The following SLC8A1 variants were observed in gnomAD, a reference collection of about 807,000 sequenced individuals.
SLC8A1 encodes the protein sodium/calcium exchanger 1.
Under a neutral mutation model 68.3 loss-of-function variants are expected in SLC8A1, and 18 were observed. That is an observed-to-expected ratio of 0.26 (90% CI 0.18 to 0.39). The LOEUF (loss-of-function observed/expected upper bound fraction) is 0.39. SLC8A1 is among the 10% of genes least tolerant of loss of function. SLC8A1 has a pLI of 1.00. For missense variants in SLC8A1, 985 were observed against 1,156.7 expected, an observed-to-expected ratio of 0.85 and a Z score of 2.15; for synonymous variants, 475 against 415.5, an observed-to-expected ratio of 1.14 and a Z score of -1.74.
At chr2:40,181,802 A>G (rs934893791) in intron 2 of SLC8A1, among the ~76,000 whole-genome samples, 1 of 152,202 alleles carries the variant, frequency 6.6e-6, no homozygotes, top group Non-Finnish European at 1.5e-5. Context: ...AAATAAACCA[A>G]TGTAATTTTT....
chr2:40,391,598 T>A (rs980417160), intron 2 of SLC8A1, among the ~76,000 whole-genome samples: 1 of 152,046 alleles, frequency 6.6e-6, no homozygotes, highest in African/African-American at 2.4e-5. Context: ...ACTTTCATGC[T>A]CTTTCTTTCC....
chr2:40,278,688 C>T (rs1468309039), intron 2 of SLC8A1, among the ~76,000 whole-genome samples: 2 of 152,058 alleles, frequency 1.3e-5, no homozygotes, highest in Non-Finnish European at 2.9e-5. Flanking sequence ...TCTTATGAGG[C>T]ACACTGATGG....
chr2:40,162,968 G>A (rs1247915831), intron 5 of SLC8A1, among the ~76,000 whole-genome samples: 1 of 152,134 alleles, frequency 6.6e-6, no homozygotes, highest in Non-Finnish European at 1.5e-5. Context: ...TCTAGTAAAA[G>A]AGATTTCTTA....
chr2:40,231,673 T>C (rs928687705), intron 2 of SLC8A1, among the ~76,000 whole-genome samples: 4 of 152,136 alleles, frequency 2.6e-5, no homozygotes, highest in African/African-American at 9.7e-5. Flanking sequence ...AATTATATTC[T>C]CTCATCTCTT....
chr2:40,304,127 A>G (rs2072104992), intron 2 of SLC8A1, among the ~76,000 whole-genome samples: 1 of 152,214 alleles, frequency 6.6e-6, no homozygotes, highest in Admixed American at 6.5e-5. Flanking sequence ...AACTTTAATA[A>G]TGTGATAATA....
chr2:40,373,741 A>C (rs1165018635), intron 2 of SLC8A1, among the ~76,000 whole-genome samples: 2 of 152,222 alleles, frequency 1.3e-5, no homozygotes, highest in Admixed American at 6.5e-5. Context: ...AACAGTAGAT[A>C]AACAAAATAT....
At chr2:40,178,304 T>A (rs2048845689) in intron 2 of SLC8A1, 83 bp downstream of exon 3, 6 of 998,906 alleles carry the variant, frequency 6.0e-6, no homozygotes, top group Middle Eastern at 4.8e-4. Context: ...GCATTGTAAG[T>A]CATGTTCTGA....
intron 2 of SLC8A1, among the ~76,000 whole-genome samples, chr2:40,309,633 G>T (rs1478030794): frequency 1.3e-5 from 2 of 150,512 alleles, no homozygotes; most frequent in African/African-American, 4.9e-5. Context: ...ACCCTCCCAA[G>T]TAGCTGGGAC....
chr2:40,128,574 G>A (rs900589562), intron 7 of SLC8A1, among the ~76,000 whole-genome samples: 2 of 152,108 alleles, frequency 1.3e-5, no homozygotes, highest in Admixed American at 6.5e-5. Context: ...ACTGGTCACC[G>A]ACATTTGGCA....
chr2:40,241,151 T>C (rs755468687), intron 2 of SLC8A1, among the ~76,000 whole-genome samples: 1 of 152,166 alleles, frequency 6.6e-6, no homozygotes, highest in Admixed American at 6.5e-5. Flanking sequence ...ATATACACCA[T>C]GGAATATTAC....
chr2:40,463,777 A>G, intron 1 of SLC8A1, among the ~76,000 whole-genome samples: 1 of 149,488 alleles, frequency 6.7e-6, no homozygotes, highest in East Asian at 2.0e-4. Context: ...ATTCTAAATT[A>G]CTCTCAGACT....
At chr2:40,355,944 C>T (rs1055871099) in intron 2 of SLC8A1, among the ~76,000 whole-genome samples, 2 of 152,136 alleles carry the variant, frequency 1.3e-5, no homozygotes. Context: ...CCCCTTGGCC[C>T]CTTCAGGCAC....
chr2:40,465,506 G>C (rs1171389574), intron 1 of SLC8A1, among the ~76,000 whole-genome samples: 1 of 152,082 alleles, frequency 6.6e-6, no homozygotes, highest in Admixed American at 6.5e-5. Flanking sequence ...TGCCTTTGGG[G>C]TAGTTCTACA....
At chr2:40,183,904 C>T (rs76724537) in intron 2 of SLC8A1, among the ~76,000 whole-genome samples, 13,156 of 152,176 alleles carry the variant, frequency 0.086, 798 homozygotes, top group Non-Finnish European at 0.12. Context: ...GCCTGTAATC[C>T]TAGCACTTTG....
At chr2:40,496,761 T>C (rs1352226386) in intron 1 of SLC8A1, among the ~76,000 whole-genome samples, 4 of 151,920 alleles carry the variant, frequency 2.6e-5, no homozygotes, top group Non-Finnish European at 5.9e-5. Flanking sequence ...TGTGCATGAG[T>C]AATGTTAAAA....
intron 2 of SLC8A1, among the ~76,000 whole-genome samples, chr2:40,304,609 C>T (rs1382085381): frequency 3.9e-5 from 6 of 152,078 alleles, no homozygotes; most frequent in African/African-American, 9.7e-5. Flanking sequence ...TCCTTTTCAG[C>T]GCGGTTTGGC....
At chr2:40,333,490 C>T (rs4952404) in intron 2 of SLC8A1, among the ~76,000 whole-genome samples, 28,407 of 149,990 alleles carry the variant, frequency 0.19, 3,388 homozygotes, top group South Asian at 0.39. Flanking sequence ...GTCTTTTATT[C>T]CCAAGCTAGC....
intron 6 of SLC8A1, among the ~76,000 whole-genome samples, chr2:40,143,952 C>T (rs1046699769): frequency 6.6e-6 from 1 of 152,122 alleles, no homozygotes; most frequent in Non-Finnish European, 1.5e-5. Context: ...ACTTAAATTT[C>T]CCAAGCCTCA....
intron 1 of SLC8A1, among the ~76,000 whole-genome samples, chr2:40,465,282 C>T (rs952103728): frequency 6.6e-6 from 1 of 152,054 alleles, no homozygotes; most frequent in East Asian, 1.9e-4. Flanking sequence ...AAGTGTTTTA[C>T]AGGGCATTCA....
Sources: allele counts gnomAD v4.1 joint callset (sites outside exome capture counted in the v4.1 genomes callset), GRCh38; gene constraint gnomAD v4.1.1; transcripts MANE v1.5; gene names NCBI Gene and HGNC (gene_info 2026-07-23, HGNC 2026-07-21).